Variants in FHOD1 observed in about 807,000 individuals in gnomAD.
FHOD1 encodes formin homology 2 domain containing 1, also known as FH1/FH2 domain-containing protein 1.
Under a neutral mutation model 111.6 loss-of-function variants are expected in FHOD1, and 89 were observed. That is an observed-to-expected ratio of 0.80 (90% CI 0.67 to 0.95). The LOEUF is 0.95. Among genes scored for constraint, FHOD1 ranks in the 40% least tolerant of loss-of-function variants. The pLI is 0.00. For missense variants in FHOD1, 1,446 were observed against 1,554.2 expected, an observed-to-expected ratio of 0.93 and a Z score of 1.17; for synonymous variants, 618 against 639.0, an observed-to-expected ratio of 0.97 and a Z score of 0.50.
rs1597328066 is a variant in FHOD1 at position 67,239,438 on chromosome 16, A to G, written c.218T>C (p.Leu73Pro). Residue 73 changes from leucine (L) to proline (P), a missense_variant, in exon 2 of 22, where the codon CTG becomes CCG. Around this residue, in one of 3 missense-constraint regions of FHOD1, gnomAD observed 127 missense variants for 118.0 expected, o/e 1.08. Coordinates refer to ENST00000258201, the MANE Select transcript of FHOD1 (RefSeq NM_013241.3). ...GAPLKLEDCA[L>P]QVSPSGYYLD... The stretch of plus-strand genomic sequence containing the variant: ...GTAGTATCCGGAGGGAGACACTTGC[A>G]GAGCACAATCCTCCAACTGGGGGCA... 1 of 1,614,058 alleles carries G rather than the reference A, an allele frequency of 6.2e-7. No individual in the cohort carries two copies. The highest frequency in any genetic ancestry group is 8.5e-7 in the Non-Finnish European group (1 of 1,179,934).
At chr16:67,242,906 TAG>T (rs1489547480) in intron 1 of FHOD1, among the ~76,000 whole-genome samples, 1 of 151,782 alleles carries the variant, frequency 6.6e-6, no homozygotes, top group Non-Finnish European at 1.5e-5. Context: ...GTATAATATA[TAG>T]ATATAGATCT....
At chr16:67,236,198 T>C in intron 11 of FHOD1, 1 of 398,164 alleles carries the variant, frequency 2.5e-6, no homozygotes, top group South Asian at 1.0e-4. Context: ...GGGGAAGGTA[T>C]GACACGAGGA....
chr16:67,238,573 C>G lies in FHOD1; in HGVS notation c.374-126G>C. 4.3e-6 allele frequency: 4 copies of G among 928,782 alleles called. No individual in the cohort carries two copies. Among genetic ancestry groups the G allele is most frequent in the Non-Finnish European group, 6.8e-6 (4 of 588,858 alleles). The allele number at this position is 928,782 out of a possible 1,614,324, so 57.5% of individuals were successfully genotyped here. ...TATGTTTTGGTCTGAGAGACAGGGT[C>G]TCACTCTGTCACTCAGGCTGGAGTG... On this transcript the variant is annotated intron_variant, in intron 3 of 21. Transcript: ENST00000258201. This position sits in a 1 kb window ranked among gnomAD's most constrained non-coding sequence, Gnocchi z 4.2.
chr16:67,240,181 C>T (rs1193065934), intron 1 of FHOD1, among the ~76,000 whole-genome samples: 6 of 152,184 alleles, frequency 3.9e-5, no homozygotes, highest in Admixed American at 3.9e-4. Context: ...AAGTGGGCTA[C>T]AGTTACAATG....
chr16:67,244,987 C>T (rs973066782), intron 1 of FHOD1, among the ~76,000 whole-genome samples: 1 of 152,162 alleles, frequency 6.6e-6, no homozygotes, highest in Non-Finnish European at 1.5e-5. Flanking sequence ...CCCTGCTCCC[C>T]CTTGCTCAGC....
chr16:67,234,038 C>T lies in FHOD1; in HGVS notation c.1665G>A (p.Gln555=), dbSNP rs749275536. 2 of 1,613,728 alleles carry T rather than the reference C, an allele frequency of 1.2e-6. No individual in the cohort carries two copies. Among genetic ancestry groups the T allele is most frequent in the East Asian group, 2.2e-5 (1 of 44,876 alleles). The change falls in exon 13 of 22, where the codon CAG becomes CAA. Residue 555 remains glutamine, a synonymous_variant. Coordinates refer to ENST00000258201, the MANE Select transcript of FHOD1 (RefSeq NM_013241.3). ...DFSDLGEDED[Q]DMLNVESVEA... ...CCACAGACTCTACATTCAGCATGTC[C>T]TGGTCTTCATCCTCCCCTAGATCTG...
In FHOD1 at chr16:67,236,161, G is replaced by A. The variant is rs962556112; in HGVS notation, c.1319+396C>T. Reference sequence around the variant, plus strand: ...CACAGAGCTAGGCAGTGATATTGGGGTTCCTTCCCAGCCGCAGTGGGAAGT... The same window carrying A: ...CACAGAGCTAGGCAGTGATATTGGGATTCCTTCCCAGCCGCAGTGGGAAGT... On this transcript the variant is annotated intron_variant, in intron 11 of 21. Transcript: ENST00000258201. The A allele has an allele frequency of 3.2e-5, 18 of 558,070 alleles. No homozygotes were observed. In the Middle Eastern group the frequency reaches 5.2e-3, roughly 162 times the overall value. The allele number at this position is 558,070 out of a possible 1,614,324, so 34.6% of individuals were successfully genotyped here.
At chr16:67,233,626 T>C (rs760653519) in intron 13 of FHOD1, 31 bp downstream of exon 13, 2 of 1,556,844 alleles carry the variant, frequency 1.3e-6, no homozygotes, top group Non-Finnish European at 1.7e-6. Context: ...CCTGCCTCCC[T>C]TGGGGCTACC....
At chr16:67,232,712 G>C (rs1229273648) in intron 13 of FHOD1, among the ~76,000 whole-genome samples, 2 of 152,164 alleles carry the variant, frequency 1.3e-5, no homozygotes. Flanking sequence ...CTAGGCTGGA[G>C]TGCAGTGGTG....
intron 11 of FHOD1, chr16:67,235,921 T>C (rs1384226544): frequency 2.1e-6 from 1 of 471,030 alleles, no homozygotes; most frequent in Admixed American, 6.4e-5. Context: ...GTCCCCCAGC[T>C]TTGGTTGCAT....
At chr16:67,232,908 C>T (rs1396303608) in intron 13 of FHOD1, among the ~76,000 whole-genome samples, 1 of 151,900 alleles carries the variant, frequency 6.6e-6, no homozygotes, top group East Asian at 1.9e-4. Context: ...AGGCATGAGC[C>T]ACCACGCCCA....
rs1251749220 is a variant in FHOD1, at chr16:67,238,776, G to A, written c.373+127C>T. The A allele has an allele frequency of 2.2e-6, 2 of 892,002 alleles. No individual in the cohort carries two copies. The highest frequency in any genetic ancestry group is 3.3e-5 in the African/African-American group (2 of 60,944). 55.3% of individuals were successfully genotyped at this position (892,002 alleles called of 1,614,324 possible). On this transcript the variant is annotated intron_variant, in intron 3 of 21. Transcript: ENST00000258201. This position sits in a 1 kb window ranked among gnomAD's most constrained non-coding sequence, Gnocchi z 4.2. ...CCATGGCCCTGGAAGAAGAGGTCAGGATAGGGAGAGGAAGGAGCACATACA... is the reference window on the plus strand; with the variant it reads ...CCATGGCCCTGGAAGAAGAGGTCAGAATAGGGAGAGGAAGGAGCACATACA...
chr16:67,231,508 T>C lies in FHOD1; in HGVS notation c.2427A>G (p.Glu809=). 1 of 1,614,048 alleles carries C rather than the reference T, an allele frequency of 6.2e-7. No individual in the cohort carries two copies. Among genetic ancestry groups the C allele is most frequent in the Non-Finnish European group, 8.5e-7 (1 of 1,179,974 alleles). ...GGAAGGTGGCATTCTGTACCAGCTG[T>C]TCCATACCCACTTTCAGGTCAAACA... The part of the protein sequence containing the change: ...EPLFDLKVGM[E]QLVQNATFRC... The change falls in exon 16 of 22, where the codon GAA becomes GAG. Residue 809 remains glutamate, a synonymous_variant. Transcript: ENST00000258201. The surrounding 1 kb of genome is among the most constrained non-coding windows in gnomAD (Gnocchi z 4.3).
intron 21 of FHOD1, 25 bp from the exon 22 acceptor site, chr16:67,229,743 G>A (rs2034173286): frequency 1.2e-6 from 2 of 1,614,078 alleles, no homozygotes; most frequent in Non-Finnish European, 1.7e-6. Flanking sequence ...CAGGGTTGGA[G>A]GGGGTTGATG....
intron 1 of FHOD1, among the ~76,000 whole-genome samples, chr16:67,243,329 T>C (rs2034718755): frequency 6.6e-6 from 1 of 151,750 alleles, no homozygotes; most frequent in Non-Finnish European, 1.5e-5. Context: ...TCCACTTTTG[T>C]TATCTTATGC....
Position 67,239,403 on chromosome 16 carries a change from C to G in FHOD1, c.253G>C (p.Glu85Gln). The G allele has an allele frequency of 1.9e-6, 3 of 1,614,120 alleles. No homozygotes were observed. The highest frequency in any genetic ancestry group is 2.2e-5 in the East Asian group (1 of 44,878). ...TCCCGCTGCTCTTCCAGGGACAGCT[C>G]GGTGTCCAGGTAGTATCCGGAGGGA... ...VSPSGYYLDT[E>Q]LSLEEQREML... The change falls in exon 2 of 22, where the codon GAG becomes CAG. Residue 85 changes from glutamate (E) to glutamine (Q), a missense_variant. Glu to Gln is a conservative substitution (Grantham distance 29, BLOSUM62 2). Around this residue, in one of 3 missense-constraint regions of FHOD1, gnomAD observed 127 missense variants for 118.0 expected, o/e 1.08. Coordinates refer to ENST00000258201, the MANE Select transcript of FHOD1 (RefSeq NM_013241.3).
intron 11 of FHOD1, chr16:67,234,721 A>G (rs2034418822): frequency 2.1e-6 from 1 of 474,880 alleles, no homozygotes. Flanking sequence ...TCTACTTAAC[A>G]TCTAACTTGC....
In FHOD1 at chr16:67,237,754, C is replaced by T. The variant is rs143404074; in HGVS notation, c.657G>A (p.Val219=). 69 of 1,614,008 alleles carry T rather than the reference C, an allele frequency of 4.3e-5. No homozygotes were observed. The highest frequency in any genetic ancestry group is 2.4e-4 in the African/African-American group (18 of 74,918). ...TLCASLSRLV[V]KTALKLLLVF... Reference sequence around the variant, plus strand: ...CCAACAGCAGCTTCAGGGCTGTCTTCACCACCAAGCGGGACTGAGGAGAGA... The same window carrying T: ...CCAACAGCAGCTTCAGGGCTGTCTTTACCACCAAGCGGGACTGAGGAGAGA... Residue 219 remains valine, a synonymous_variant, in exon 7 of 22, where the codon GTG becomes GTA. Coordinates refer to ENST00000258201, the MANE Select transcript of FHOD1 (RefSeq NM_013241.3). This position sits in a 1 kb window ranked among gnomAD's most constrained non-coding sequence, Gnocchi z 5.6.
chr16:67,231,622 C>T lies in FHOD1; in HGVS notation c.2385+15G>A, dbSNP rs757555000. On this transcript the variant is annotated intron_variant, in intron 15 of 21. Coordinates refer to ENST00000258201, the MANE Select transcript of FHOD1 (RefSeq NM_013241.3). This position sits in a 1 kb window ranked among gnomAD's most constrained non-coding sequence, Gnocchi z 4.3. Reference sequence around the variant, plus strand: ...ACCTGTCCCTACTGACTGTCCCACTCCAAGACCCAGGTACCCGCTCCATGC... The same window carrying T: ...ACCTGTCCCTACTGACTGTCCCACTTCAAGACCCAGGTACCCGCTCCATGC... 2.5e-6 allele frequency: 4 copies of T among 1,614,114 alleles called. No homozygotes were observed. The highest frequency in any genetic ancestry group is 3.3e-5 in the Admixed American group (2 of 60,016).
Sources: allele counts gnomAD v4.1 joint callset (sites outside exome capture counted in the v4.1 genomes callset), GRCh38; gene constraint gnomAD v4.1.1; regional missense constraint gnomAD v4.1.1; non-coding constraint Gnocchi (gnomAD v3.1); transcripts MANE v1.5; gene names NCBI Gene and HGNC (gene_info 2026-07-23, HGNC 2026-07-21).